Variants in OLFM4 observed in about 807,000 individuals in gnomAD.
OLFM4 encodes olfactomedin 4, also known as olfactomedin-4.
OLFM4 carries 22 observed loss-of-function variants against 25.5 expected under a neutral mutation model. The ratio of observed to expected loss-of-function variants is 0.86; its 90% CI spans 0.62 to 1.23. The LOEUF is 1.23. OLFM4 is among the 50% of genes most tolerant of loss of function. The pLI is 0.00. For synonymous variants in OLFM4, 255 were observed against 237.7 expected (o/e 1.07, Z -0.67); for missense variants, 594 against 619.4 (o/e 0.96, Z 0.44).
At chr13:53,031,879 T>A (rs2185960) in intron 1 of OLFM4, among the ~76,000 whole-genome samples, 49 of 152,142 alleles carry the variant, frequency 3.2e-4, no homozygotes, top group African/African-American at 1.2e-3. Context: ...GGGGACAAGC[T>A]CTTGTCTTTG....
chr13:53,051,046 TGAG>T lies in OLFM4; in HGVS notation c.*280_*282del, dbSNP rs1324713689. ...ACTGTGGGCCTAGTGAAGCCTACTG[TGAG>T]GAGGCTTCACTAGAAGCCTTAAATT... On this transcript the variant is annotated 3_prime_UTR_variant, in exon 5 of 5. Transcript: ENST00000219022. The T allele has an allele frequency of 2.9e-6, 1 of 349,044 alleles. No homozygotes were observed. Among genetic ancestry groups the T allele is most frequent in the Non-Finnish European group, 5.1e-6 (1 of 195,448 alleles). The allele number at this position is 349,044 out of a possible 1,614,324, so 21.6% of individuals were successfully genotyped here.
chr13:53,048,067 G>A (rs944506068), intron 4 of OLFM4, among the ~76,000 whole-genome samples: 35 of 152,252 alleles, frequency 2.3e-4, no homozygotes, highest in African/African-American at 7.9e-4. Flanking sequence ...CCAGTTTGTA[G>A]CATATGGAAA....
intron 4 of OLFM4, among the ~76,000 whole-genome samples, chr13:53,048,924 T>A (rs1954729752): frequency 6.6e-6 from 1 of 152,208 alleles, no homozygotes; most frequent in Non-Finnish European, 1.5e-5. Flanking sequence ...TTTGGATAGT[T>A]ATTATAAAAA....
intron 2 of OLFM4, among the ~76,000 whole-genome samples, chr13:53,040,615 T>C (rs1019131328): frequency 1.3e-5 from 2 of 152,178 alleles, no homozygotes; most frequent in African/African-American, 4.8e-5. Context: ...CCCAGAGACA[T>C]TTTTGGTTAT....
intron 2 of OLFM4, among the ~76,000 whole-genome samples, chr13:53,034,812 GT>G: frequency 6.6e-6 from 1 of 152,252 alleles, no homozygotes; most frequent in South Asian, 2.1e-4. Context: ...TTTTTATTTT[GT>G]TTTGACGCTG....
At chr13:53,049,705 G>A (rs1435610599) in intron 4 of OLFM4, among the ~76,000 whole-genome samples, 2 of 152,048 alleles carry the variant, frequency 1.3e-5, no homozygotes, top group Non-Finnish European at 2.9e-5. Context: ...GTTCTTGCTG[G>A]TTTCATTATT....
At chr13:53,029,844 G>A (rs1954619727) in intron 1 of OLFM4, among the ~76,000 whole-genome samples, 1 of 152,190 alleles carries the variant, frequency 6.6e-6, no homozygotes. Context: ...AGTTCCGTGG[G>A]GGATGAGTCC....
intron 2 of OLFM4, among the ~76,000 whole-genome samples, chr13:53,041,311 G>C (rs895356543): frequency 2.6e-5 from 4 of 152,178 alleles, no homozygotes; most frequent in African/African-American, 9.7e-5. Context: ...ATGAGATCAT[G>C]TTCTTTGTAG....
chr13:53,047,460 T>G (rs958040214), intron 4 of OLFM4, among the ~76,000 whole-genome samples: 1 of 152,164 alleles, frequency 6.6e-6, no homozygotes, highest in South Asian at 2.1e-4. Context: ...TTGGCAGCAA[T>G]GTTGAGTTCT....
intron 4 of OLFM4, among the ~76,000 whole-genome samples, chr13:53,044,099 G>C (rs1954702674): frequency 6.6e-6 from 1 of 152,210 alleles, no homozygotes; most frequent in Non-Finnish European, 1.5e-5. Context: ...CTGCCTTGCA[G>C]GGTGGCTGTG....
chr13:53,050,762 G>A lies in OLFM4; in HGVS notation c.1524G>A (p.Lys508=). 1 of 1,587,258 alleles carries A rather than the reference G, an allele frequency of 6.3e-7. No individual in the cohort carries two copies. The highest frequency in any genetic ancestry group is 1.2e-5 in the South Asian group (1 of 85,410). The change falls in exon 5 of 5, where the codon AAG becomes AAA. Residue 508 remains lysine (K), a synonymous_variant. Transcript: ENST00000219022. ...LLNYDLSVLQ[K]PQ is the part of the protein sequence containing the mutation. ...ATTATGATCTTTCTGTCTTGCAGAA[G>A]CCCCAGTAAGCTGTTTAGGAGTTAG...
In OLFM4 at chr13:53,043,093, T is replaced by G; in HGVS notation, c.571-12T>G. On this transcript the variant is annotated splice_polypyrimidine_tract_variant and intron_variant, in intron 3 of 4. Coordinates refer to ENST00000219022, the MANE Select transcript of OLFM4 (RefSeq NM_006418.5). ...CATAATATAAAGTCACTCTGAATTTTTATTTCCTTAGATAAGAAATATGAC... is the reference window on the plus strand; with the variant it reads ...CATAATATAAAGTCACTCTGAATTTGTATTTCCTTAGATAAGAAATATGAC... The G allele has an allele frequency of 6.4e-7, 1 of 1,572,036 alleles. No individual in the cohort carries two copies. Among genetic ancestry groups the G allele is most frequent in the Non-Finnish European group, 8.6e-7 (1 of 1,162,124 alleles).
rs557718266 is a variant in OLFM4 at position 53,041,059 on chromosome 13, G to T, written c.358-851G>T. On this transcript the variant is annotated intron_variant, in intron 2 of 4. Transcript: ENST00000219022. ...TAAATTAGTTCAGCCATTGTGGAAA[G>T]CAGTGTGGTGACTCGAAGAACTAAA... Among the ~76,000 whole-genome samples, 10 of 152,270 alleles carry T rather than the reference G, an allele frequency of 6.6e-5. No homozygotes were observed. In the South Asian group the frequency reaches 2.1e-3, roughly 32 times the overall value.
At chr13:53,029,879 G>C (rs533878039) in intron 1 of OLFM4, among the ~76,000 whole-genome samples, 1 of 152,294 alleles carries the variant, frequency 6.6e-6, no homozygotes, top group East Asian at 1.9e-4. Flanking sequence ...TTAAAGAAAG[G>C]AGAATGGGCT....
At chr13:53,043,817 C>T (rs1310965654) in intron 4 of OLFM4, among the ~76,000 whole-genome samples, 1 of 152,188 alleles carries the variant, frequency 6.6e-6, no homozygotes, top group Non-Finnish European at 1.5e-5. Context: ...AATGACCCCA[C>T]ATATCATGTG....
chr13:53,040,994 G>A (rs1408520778), intron 2 of OLFM4, among the ~76,000 whole-genome samples: 1 of 152,154 alleles, frequency 6.6e-6, no homozygotes, highest in African/African-American at 2.4e-5. Context: ...TGGTGAGATG[G>A]CAGAGGAAAG....
At chr13:53,043,680 A>G (rs1954700645) in intron 4 of OLFM4, among the ~76,000 whole-genome samples, 1 of 152,014 alleles carries the variant, frequency 6.6e-6, no homozygotes, top group South Asian at 2.1e-4. Flanking sequence ...AGCTGGGTTT[A>G]TGCCTTTGAT....
chr13:53,030,366 G>A (rs571284520), intron 1 of OLFM4, among the ~76,000 whole-genome samples: 20 of 152,216 alleles, frequency 1.3e-4, no homozygotes, highest in East Asian at 3.9e-4. Context: ...GCAGTGGCAC[G>A]ATCTCGGCTC....
chr13:53,048,271 TTTTA>T, intron 4 of OLFM4, among the ~76,000 whole-genome samples: 1 of 152,328 alleles, frequency 6.6e-6, no homozygotes, highest in Non-Finnish European at 1.5e-5. Flanking sequence ...CACGTTGCTT[TTTTA>T]TTTATGAAAT....
Sources: gnomAD v4.1 joint callset for allele counts (sites outside exome capture counted in the v4.1 genomes callset) on GRCh38, gnomAD v4.1.1 for gene constraint, MANE v1.5 for transcripts, NCBI Gene and HGNC (gene_info 2026-07-23, HGNC 2026-07-21) for gene names.